The following MYO9A variants were observed in gnomAD, a reference collection of about 807,000 sequenced individuals.
MYO9A encodes myosin IXA, also known as unconventional myosin-IXa.
MYO9A carries 103 observed loss-of-function variants against 293.3 expected under a neutral mutation model. That is an observed-to-expected ratio of 0.35 (90% CI 0.30 to 0.41). The LOEUF (loss-of-function observed/expected upper bound fraction) is 0.41, where lower values mean the gene tolerates loss of function less well. MYO9A is among the 10% of genes least tolerant of loss of function. The pLI, the probability that MYO9A is intolerant of heterozygous loss-of-function variation, is 1.00. For missense variants in MYO9A, 2,685 were observed against 3,033.0 expected (o/e 0.89, Z 2.69); for synonymous variants, 1,001 against 1,035.7 (o/e 0.97, Z 0.64).
chr15:71,849,939 A>ATTTATTAACCCATTCACTAT, intron 38 of MYO9A, 97 bp downstream of exon 38: 2 of 1,378,808 alleles, frequency 1.5e-6, no homozygotes, highest in Non-Finnish European at 2.0e-6. Context: ...AAACACCTGA[A>ATTTATTAACCCATTCACTAT]TTTATGAACC....
chr15:71,959,122 G>A (rs778114023), intron 14 of MYO9A: 4 of 152,144 alleles, frequency 2.6e-5, no homozygotes, highest in Non-Finnish European at 5.9e-5. Context: ...AAGCAGGTTT[G>A]AGATAGTCCT....
chr15:71,861,060 G>A (rs983255624), intron 33 of MYO9A, among the ~76,000 whole-genome samples: 1 of 138,222 alleles, frequency 7.2e-6, no homozygotes, highest in African/African-American at 2.7e-5. Flanking sequence ...AGTTACAGAA[G>A]AAACTAAACC....
At chr15:72,062,248 C>A (rs1163131742) in intron 1 of MYO9A, among the ~76,000 whole-genome samples, 3 of 152,094 alleles carry the variant, frequency 2.0e-5, no homozygotes, top group African/African-American at 7.2e-5. Context: ...TACAAAAAAG[C>A]CCAGACAGCA....
At chr15:71,861,686 A>AC (rs1477022054) in intron 33 of MYO9A, among the ~76,000 whole-genome samples, 8 of 145,778 alleles carry the variant, frequency 5.5e-5, no homozygotes, top group Admixed American at 1.5e-4. Context: ...ATATAAAAAA[A>AC]AAAAAAAAAA....
At chr15:71,902,527 GA>G (rs1183517309) in intron 22 of MYO9A, among the ~76,000 whole-genome samples, 1 of 151,706 alleles carries the variant, frequency 6.6e-6, no homozygotes, top group Admixed American at 6.6e-5. Flanking sequence ...TTTGTAAAAG[GA>G]AAAAAAATCC....
chr15:72,017,012 T>C (rs1372470966), intron 6 of MYO9A, among the ~76,000 whole-genome samples: 1 of 21,772 alleles, frequency 4.6e-5, no homozygotes, highest in Non-Finnish European at 1.2e-4. Context: ...GCCCAAATCT[T>C]TTTTTTTTTT....
chr15:71,865,896 A>AT (rs2141909755), intron 32 of MYO9A, among the ~76,000 whole-genome samples: 1 of 152,356 alleles, frequency 6.6e-6, no homozygotes, highest in Non-Finnish European at 1.5e-5. Context: ...GACAACCATC[A>AT]TATCATGGTT....
intron 22 of MYO9A, among the ~76,000 whole-genome samples, chr15:71,902,306 T>C (rs2057508515): frequency 6.6e-6 from 1 of 151,996 alleles, no homozygotes; most frequent in African/African-American, 2.4e-5. Flanking sequence ...CAGGAGGTTA[T>C]TATCAAGCAG....
At chr15:72,033,945 T>C (rs141392436) in intron 2 of MYO9A, among the ~76,000 whole-genome samples, 223 of 152,338 alleles carry the variant, frequency 1.5e-3, no homozygotes, top group African/African-American at 4.7e-3. Flanking sequence ...AATAATCTCA[T>C]GGGAATGGCA....
intron 30 of MYO9A, among the ~76,000 whole-genome samples, chr15:71,879,502 TA>T (rs1420943782): frequency 6.6e-6 from 1 of 152,194 alleles, no homozygotes; most frequent in African/African-American, 2.4e-5. Context: ...GGGAAAAAGC[TA>T]CTCAAGGAAA....
chr15:71,990,781 A>C, intron 11 of MYO9A, among the ~76,000 whole-genome samples: 1 of 150,972 alleles, frequency 6.6e-6, no homozygotes, highest in Non-Finnish European at 1.5e-5. Context: ...GACAAGATTT[A>C]AAATGCTTAT....
At chr15:72,022,650 T>C (rs889749931) in intron 4 of MYO9A, among the ~76,000 whole-genome samples, 21 of 152,098 alleles carry the variant, frequency 1.4e-4, no homozygotes, top group African/African-American at 5.1e-4. Context: ...TAGGCCCAAG[T>C]GATTCTCCCA....
intron 6 of MYO9A, among the ~76,000 whole-genome samples, chr15:72,018,663 G>A (rs2077410834): frequency 6.6e-6 from 1 of 151,936 alleles, no homozygotes; most frequent in Non-Finnish European, 1.5e-5. Flanking sequence ...ACTACTCATA[G>A]TATGTAGGTA....
chr15:71,962,386 T>G (rs944572658), intron 13 of MYO9A, among the ~76,000 whole-genome samples: 1 of 152,214 alleles, frequency 6.6e-6, no homozygotes, highest in Non-Finnish European at 1.5e-5. Flanking sequence ...TTTAGGGTTT[T>G]CCTTTCCTAA....
At chr15:71,916,713 T>C (rs1188949430) in intron 18 of MYO9A, among the ~76,000 whole-genome samples, 1 of 152,182 alleles carries the variant, frequency 6.6e-6, no homozygotes, top group Non-Finnish European at 1.5e-5. Context: ...CTCTCTTGCA[T>C]CTAGAGTTCT....
chr15:71,968,167 G>T lies in MYO9A; in HGVS notation c.1845-42C>A, dbSNP rs766472917. 4 of 1,487,506 alleles carry T rather than the reference G, an allele frequency of 2.7e-6. No individual in the cohort carries two copies. In the Admixed American group the frequency reaches 8.6e-5, roughly 32 times the overall value. The allele number at this position is 1,487,506 out of a possible 1,614,324, so 92.1% of individuals were successfully genotyped here. A position where few individuals can be genotyped will look rare whatever the true frequency, so the allele number is the denominator to read the frequency against. On this transcript the variant is annotated intron_variant, in intron 12 of 41. Transcript: ENST00000356056. ...AGAAAAAATATCATTACAGAAAGAT[G>T]AGAAAGATGCGGTAATTAGTACAGC...
At chr15:71,840,091 T>C (rs2055090248) in intron 39 of MYO9A, among the ~76,000 whole-genome samples, 1 of 152,214 alleles carries the variant, frequency 6.6e-6, no homozygotes, top group Admixed American at 6.5e-5. Context: ...ATAAATCGCA[T>C]CTGGAGAAGT....
intron 15 of MYO9A, among the ~76,000 whole-genome samples, chr15:71,942,271 TA>T: frequency 6.6e-6 from 1 of 152,022 alleles, no homozygotes; most frequent in Non-Finnish European, 1.5e-5. Flanking sequence ...CTTATAGTAA[TA>T]AATCTGTGGT....
At chr15:72,014,322 C>A (rs1046713460) in intron 6 of MYO9A, among the ~76,000 whole-genome samples, 2 of 152,100 alleles carry the variant, frequency 1.3e-5, no homozygotes, top group Non-Finnish European at 2.9e-5. Context: ...GTCAATTGTT[C>A]CAGTTTATGT....
Sources: gnomAD v4.1 joint callset for allele counts (sites outside exome capture counted in the v4.1 genomes callset) on GRCh38, gnomAD v4.1.1 for gene constraint, MANE v1.5 for transcripts, NCBI Gene and HGNC (gene_info 2026-07-23, HGNC 2026-07-21) for gene names.